ABCA1: variants seen among roughly 807,000 people sequenced by gnomAD.
ABCA1 encodes the protein ATP binding cassette subfamily A member 1, also known as phospholipid-transporting ATPase ABCA1.
A neutral mutation model predicts 262.5 loss-of-function variants in ABCA1; 133 were observed. That is an observed-to-expected ratio of 0.51 (90% CI 0.44 to 0.59). The LOEUF (loss-of-function observed/expected upper bound fraction) is 0.59, where lower values mean the gene tolerates loss of function less well. Ranked by LOEUF, ABCA1 falls within the 20% of genes least tolerant of loss-of-function variation. The pLI is 0.00. For synonymous variants in ABCA1, 1,022 were observed against 1,043.5 expected (o/e 0.98, Z 0.40); for missense variants, 2,452 against 2,777.5 (o/e 0.88, Z 2.63).
At chr9:104,872,218 G>A (rs1156384537) in intron 5 of ABCA1, among the ~76,000 whole-genome samples, 1 of 152,162 alleles carries the variant, frequency 6.6e-6, no homozygotes, top group Non-Finnish European at 1.5e-5. Context: ...TTTCAAATGA[G>A]GAAACAGATC....
Position 104,831,693 on chromosome 9 carries a change from C to A in ABCA1, c.1644G>T (p.Leu548=). ...GGATCTTGTACTTGACATGATGGGG[C>A]AGCTCAATGCTGCCTGGAGTAATTC... ...FTGITPGSIE[L]PHHVKYKIRM... The change falls in exon 13 of 50, where the codon CTG becomes CTT. Residue 548 remains leucine (L), a synonymous_variant. Coordinates refer to ENST00000374736, the MANE Select transcript of ABCA1 (RefSeq NM_005502.4). 1 of 1,614,210 alleles carries A rather than the reference C, an allele frequency of 6.2e-7. No homozygotes were observed. Among genetic ancestry groups the A allele is most frequent in the South Asian group, 1.1e-5 (1 of 91,084 alleles).
At position 104,842,647 on chromosome 9, in the gene ABCA1, G is replaced by A. The variant is rs182562310; in HGVS notation, c.814-2128C>T. Among the ~76,000 whole-genome samples, 158 of 152,202 alleles carry A rather than the reference G, an allele frequency of 1.0e-3. 1 individual carries two copies. The highest frequency in any genetic ancestry group is 3.4e-3 in the Middle Eastern group (1 of 294). On this transcript the variant is annotated intron_variant, in intron 8 of 49. Coordinates refer to ENST00000374736, the MANE Select transcript of ABCA1 (RefSeq NM_005502.4). ...GATGGCTCTTCATCCTTTAGCCCAC[G>A]GATGATGGTGGTATTTGAACATCAT...
intron 8 of ABCA1, among the ~76,000 whole-genome samples, chr9:104,841,823 A>G (rs4149297): frequency 0.094 from 14,386 of 152,330 alleles, 731 homozygotes; most frequent in Middle Eastern, 0.13. Context: ...TCTGTCTTAC[A>G]TGCAAATGTA....
rs371207099 is a variant in ABCA1 at position 104,845,613 on chromosome 9, C to T, written c.721-44G>A. 3.8e-6 allele frequency: 5 copies of T among 1,308,160 alleles called. No homozygotes were observed. The African/African-American group carries it at 7.2e-5, about 19-fold the overall frequency. 81.0% of individuals were successfully genotyped at this position (1,308,160 alleles called of 1,614,324 possible). On this transcript the variant is annotated intron_variant, in intron 7 of 49. Transcript: ENST00000374736. The stretch of plus-strand genomic sequence containing the variant: ...CTTTGTTTCTGAATTCAAATGTAAA[C>T]CTGAAATCTCTATTGGAAATAAACA...
chr9:104,832,041 T>A (rs1833385090), intron 12 of ABCA1, among the ~76,000 whole-genome samples: 1 of 152,236 alleles, frequency 6.6e-6, no homozygotes, highest in African/African-American at 2.4e-5. Context: ...AATTTAGGGA[T>A]ATGTTATTTA....
chr9:104,832,735 C>T lies in ABCA1; in HGVS notation c.1348G>A (p.Glu450Lys), dbSNP rs764824326. The change falls in exon 12 of 50, where the codon GAA becomes AAA. Residue 450 changes from glutamate (E) to lysine (K), a missense_variant. By Grantham distance (56) the Glu-to-Lys change is moderately conservative. This residue lies in a region of ABCA1 where 1,032 missense variants were observed against 1,089.7 expected (regional missense o/e 0.95). Coordinates refer to ENST00000374736, the MANE Select transcript of ABCA1 (RefSeq NM_005502.4). ...CAATCTAAGCCATCCAACTGCTGTT[C>T]CCAAAAGTGGTCATTGTCCCTGCTG... The part of the protein sequence containing the change: ...LDSRDNDHFW[E>K]QQLDGLDWTA... The T allele has an allele frequency of 2.5e-6, 4 of 1,614,194 alleles. No homozygotes were observed. Among genetic ancestry groups the T allele is most frequent in the Non-Finnish European group, 3.4e-6 (4 of 1,180,044 alleles).
intron 5 of ABCA1, among the ~76,000 whole-genome samples, chr9:104,868,419 A>G (rs1837285149): frequency 6.6e-6 from 1 of 152,218 alleles, no homozygotes; most frequent in East Asian, 1.9e-4. Flanking sequence ...ACCAAAGATC[A>G]AGAACGTGAA....
intron 5 of ABCA1, among the ~76,000 whole-genome samples, chr9:104,877,846 T>C (rs1296499300): frequency 6.6e-6 from 1 of 152,240 alleles, no homozygotes; most frequent in Non-Finnish European, 1.5e-5. Flanking sequence ...CTCACTCTTA[T>C]ACCAATGTTT....
chr9:104,828,733 C>T (rs189611190), intron 15 of ABCA1, among the ~76,000 whole-genome samples, 183 bp downstream of exon 15: 1 of 152,328 alleles, frequency 6.6e-6, no homozygotes. Context: ...TGACCTTGGG[C>T]AAGTCACTGC....
chr9:104,812,437 A>G, intron 28 of ABCA1, 137 bp downstream of exon 28: 2 of 1,142,542 alleles, frequency 1.8e-6, no homozygotes, highest in South Asian at 1.3e-5. Context: ...GGCAAGGAAT[A>G]GAACTGGGAT....
chr9:104,912,472 A>G (rs1431587637), intron 1 of ABCA1, among the ~76,000 whole-genome samples: 3 of 152,244 alleles, frequency 2.0e-5, no homozygotes, highest in Non-Finnish European at 4.4e-5. Context: ...TGATACTTGG[A>G]CAACCAAAGA....
intron 1 of ABCA1, among the ~76,000 whole-genome samples, chr9:104,913,934 TACCG>T (rs769537391): frequency 5.6e-4 from 85 of 151,380 alleles, no homozygotes; most frequent in Middle Eastern, 3.4e-3. Context: ...TAGCTGGGAC[TACCG>T]ACAGCCGCCT....
rs371711886 is a variant in ABCA1, at chr9:104,853,398, G to A, written c.720+5124C>T. On this transcript the variant is annotated intron_variant, in intron 7 of 49. Coordinates refer to ENST00000374736, the MANE Select transcript of ABCA1 (RefSeq NM_005502.4). ...CACAGTGTCTGTGTTGGCAAAGACT[G>A]CTGTGAGGGAGCTGGTCGAGAGGTC... is the stretch of plus-strand genomic sequence containing the variant. 2.0e-5 allele frequency among the ~76,000 whole-genome samples: 3 copies of A among 152,296 alleles called. No homozygotes were observed. The East Asian group carries it at 5.8e-4, about 29-fold the overall frequency.
Position 104,831,814 on chromosome 9 carries a change from T to G in ABCA1, c.1523A>C (p.Asn508Thr), listed in dbSNP as rs758876983. The G allele has an allele frequency of 6.2e-7, 1 of 1,614,208 alleles. No homozygotes were observed. The highest frequency in any genetic ancestry group is 1.1e-5 in the South Asian group (1 of 91,082). The change falls in exon 13 of 50, where the codon AAC (asparagine) becomes ACC (threonine). Residue 508 changes from asparagine to threonine, a missense_variant. Asn to Thr is a moderately conservative substitution (Grantham distance 65). Transcript: ENST00000374736. ...ISRFMECVNLNKLEPIATEVW... is the reference protein window; with the variant it reads ...ISRFMECVNLTKLEPIATEVW... ...TTCTGTTGCTATGGGTTCTAGCTTG[T>G]TCAGGTTGACACACTGATAGAAGAA...
rs746595809 is a variant in ABCA1 at position 104,884,427 on chromosome 9, A to G, written c.302T>C (p.Ile101Thr). The G allele has an allele frequency of 3.1e-6, 5 of 1,614,200 alleles. No individual in the cohort carries two copies. The highest frequency in any genetic ancestry group is 4.2e-6 in the Non-Finnish European group (5 of 1,180,024). Residue 101 changes from isoleucine to threonine, a missense_variant and splice_region_variant, in exon 4 of 50, where the codon ATT becomes ACT. Coordinates refer to ENST00000374736, the MANE Select transcript of ABCA1 (RefSeq NM_005502.4). ...AAAGAAAACCTGATCTGATACTTAC[A>G]TGGATTTGTTAAAGTTTCCAACAAC... ...PGVVGNFNKS[I>T]VARLFSDARR...
At chr9:104,818,184 G>C (rs1036531969) in intron 23 of ABCA1, among the ~76,000 whole-genome samples, 4 of 151,100 alleles carry the variant, frequency 2.6e-5, no homozygotes, top group Non-Finnish European at 5.9e-5. Context: ...AAAAAAAAAA[G>C]GTTGTAAATG....
At chr9:104,810,658 G>A (rs1292446551) in intron 29 of ABCA1, 142 bp downstream of exon 29, 4 of 1,298,976 alleles carry the variant, frequency 3.1e-6, no homozygotes, top group Admixed American at 1.7e-5. Context: ...TATGCATGCA[G>A]TATTAGCTTA....
chr9:104,889,045 A>G, intron 3 of ABCA1, 57 bp downstream of exon 3: 2 of 1,485,780 alleles, frequency 1.3e-6, no homozygotes, highest in South Asian at 2.3e-5. Context: ...GCCCACGTTA[A>G]TTGCCTGGAT....
At chr9:104,825,914 T>C (rs757436974) in intron 16 of ABCA1, 27 bp from the exon 17 acceptor site, 4 of 1,610,912 alleles carry the variant, frequency 2.5e-6, no homozygotes, top group Non-Finnish European at 3.4e-6. Context: ...AAGTCACCTA[T>C]CCATTTCCTG....
Sources: allele counts gnomAD v4.1 joint callset (sites outside exome capture counted in the v4.1 genomes callset), GRCh38; gene constraint gnomAD v4.1.1; regional missense constraint gnomAD v4.1.1; transcripts MANE v1.5; gene names NCBI Gene and HGNC (gene_info 2026-07-23, HGNC 2026-07-21).